Variants in PLEKHG4B observed in about 807,000 individuals in gnomAD.
PLEKHG4B encodes the protein pleckstrin homology domain-containing family G member 4B.
PLEKHG4B carries 111 observed loss-of-function variants against 121.3 expected under a neutral mutation model. The observed-to-expected ratio is 0.92, with a 90% CI of 0.78 to 1.07. The LOEUF (loss-of-function observed/expected upper bound fraction) is 1.07, where lower values mean the gene tolerates loss of function less well. Ranked by LOEUF, PLEKHG4B falls within the 50% of genes least tolerant of loss-of-function variation. PLEKHG4B has a pLI of 0.00. For missense variants in PLEKHG4B, 1,831 were observed against 1,757.8 expected (o/e 1.04, Z -0.74); for synonymous variants, 738 against 725.0 (o/e 1.02, Z -0.29).
intron 13 of PLEKHG4B, among the ~76,000 whole-genome samples, chr5:165,333 C>T (rs1402498447): frequency 1.5e-4 from 4 of 26,596 alleles, no homozygotes; most frequent in African/African-American, 3.1e-4. Context: ...AATCCTCTGA[C>T]GGGGCGGAGC....
At chr5:152,205 CT>C (rs770422898) in intron 7 of PLEKHG4B, among the ~76,000 whole-genome samples, 3,448 of 140,492 alleles carry the variant, frequency 0.025, 83 homozygotes, top group African/African-American at 0.066. Flanking sequence ...TTCTTTCTGT[CT>C]TTTTTTTTTT....
chr5:129,549 A>C (rs1734715456), intron 2 of PLEKHG4B, among the ~76,000 whole-genome samples: 1 of 152,254 alleles, frequency 6.6e-6, no homozygotes, highest in Non-Finnish European at 1.5e-5. Context: ...AGACCAACTC[A>C]GGCACACATT....
chr5:171,521 C>A (rs983163268), intron 16 of PLEKHG4B, 77 bp downstream of exon 16: 1 of 1,359,040 alleles, frequency 7.4e-7, no homozygotes, highest in Admixed American at 2.2e-5. Flanking sequence ...TTGGCCCCAG[C>A]AGCACACTTT....
chr5:166,834 CCT>C, intron 13 of PLEKHG4B, among the ~76,000 whole-genome samples: 1 of 152,338 alleles, frequency 6.6e-6, no homozygotes, highest in South Asian at 2.1e-4. Flanking sequence ...TCAGTGTTTA[CCT>C]TGTTAAAGGC....
intron 13 of PLEKHG4B, among the ~76,000 whole-genome samples, chr5:164,233 T>A (rs930416801): frequency 1.3e-5 from 2 of 152,030 alleles, no homozygotes; most frequent in Non-Finnish European, 2.9e-5. Flanking sequence ...ACCGCAGGGG[T>A]TGGGGTATGG....
chr5:140,821 C>T (rs1735153192), intron 3 of PLEKHG4B, 105 bp downstream of exon 3: 2 of 861,566 alleles, frequency 2.3e-6, no homozygotes, highest in East Asian at 5.8e-5. Flanking sequence ...ACCCCCACAA[C>T]CTCCCCCTGC....
chr5:164,587 ATG>A lies in PLEKHG4B; in HGVS notation c.3476+1040_3476+1041del, dbSNP rs1736194812. Among the ~76,000 whole-genome samples the A allele has an allele frequency of 2.3e-5, 2 of 87,390 alleles. 1 individual carries two copies. Among genetic ancestry groups the A allele is most frequent in the African/African-American group, 1.2e-4 (2 of 17,062 alleles). The allele number at this position is 87,390 out of a possible 152,430, so 57.3% of individuals were successfully genotyped here. A position where few individuals can be genotyped will look rare whatever the true frequency, so the allele number is the denominator to read the frequency against. ...GACAGGGGGCGGAGCTCACACAGTAATGCTGTGACGGAGCGGAGCTCACAGTA... is the reference window on the plus strand; with the variant it reads ...GACAGGGGGCGGAGCTCACACAGTAACTGTGACGGAGCGGAGCTCACAGTA... On this transcript the variant is annotated intron_variant, in intron 13 of 19. Coordinates refer to ENST00000637938, the MANE Select transcript of PLEKHG4B (RefSeq NM_052909.5).
chr5:164,892 TCA>T lies in PLEKHG4B; in HGVS notation c.3476+1349_3476+1350del, dbSNP rs1269441926. On this transcript the variant is annotated intron_variant, in intron 13 of 19. Coordinates refer to ENST00000637938, the MANE Select transcript of PLEKHG4B (RefSeq NM_052909.5). ...CAGTAATGCTCTGACGGGGCGGAGC[TCA>T]CACAGTAATGCTGTGACGGGGCGGA... Among the ~76,000 whole-genome samples the T allele has an allele frequency of 4.7e-4, 29 of 62,172 alleles. 2 individuals carry two copies. The highest frequency in any genetic ancestry group is 1.2e-3 in the East Asian group (4 of 3,320). 40.8% of individuals were successfully genotyped at this position (62,172 alleles called of 152,430 possible).
chr5:126,002 A>C (rs948210233), intron 2 of PLEKHG4B, among the ~76,000 whole-genome samples: 1 of 152,212 alleles, frequency 6.6e-6, no homozygotes, highest in African/African-American at 2.4e-5. Flanking sequence ...GTGATGAGTC[A>C]CTTCTATCTT....
chr5:181,585 C>G lies in PLEKHG4B; in HGVS notation c.4474C>G (p.Arg1492Gly), dbSNP rs758768356. ...QPFMDVKPRD[R>G]TPDCAVISDR... is the part of the protein sequence containing the mutation. Reference sequence around the variant, plus strand: ...ATTCATGGATGTCAAGCCCAGAGACCGGACCCCTGACTGTGCAGTGATAAG... The same window carrying G: ...ATTCATGGATGTCAAGCCCAGAGACGGGACCCCTGACTGTGCAGTGATAAG... Residue 1492 changes from arginine to glycine, a missense_variant, in exon 19 of 20, where the codon CGG becomes GGG. Coordinates refer to ENST00000637938, the MANE Select transcript of PLEKHG4B (RefSeq NM_052909.5). 1.2e-6 allele frequency: 2 copies of G among 1,614,058 alleles called. No individual in the cohort carries two copies. Among genetic ancestry groups the G allele is most frequent in the Non-Finnish European group, 8.5e-7 (1 of 1,179,962 alleles).
In PLEKHG4B at chr5:156,826, A is replaced by G; in HGVS notation, c.2402A>G (p.His801Arg). ...SLYDRVDEEV[H>R]RLVLTSNNRL... ...TACGACCGAGTGGATGAGGAGGTGC[A>G]CAGGCTGGTCCTCACCTCGAACAAT... The change falls in exon 11 of 20, where the codon CAC (histidine) becomes CGC (arginine). Residue 801 changes from histidine (H) to arginine (R), a missense_variant. By Grantham distance (29) the His-to-Arg change is conservative. Transcript: ENST00000637938. The surrounding 1 kb of genome is among the most constrained non-coding windows in gnomAD (Gnocchi z 4.4). The G allele has an allele frequency of 6.3e-7, 1 of 1,592,534 alleles. No individual in the cohort carries two copies. The highest frequency in any genetic ancestry group is 8.5e-7 in the Non-Finnish European group (1 of 1,170,174).
chr5:148,066 G>A (rs924608436), intron 6 of PLEKHG4B, among the ~76,000 whole-genome samples: 1 of 151,984 alleles, frequency 6.6e-6, no homozygotes, highest in South Asian at 2.1e-4. Flanking sequence ...ACTAGAAATA[G>A]AAGGAAACTA....
Position 185,396 on chromosome 5 carries a change from AT to A in PLEKHG4B, c.*3080del, listed in dbSNP as rs1423854177. 1 of 152,316 alleles carries A rather than the reference AT, an allele frequency of 6.6e-6. No individual in the cohort carries two copies. Among genetic ancestry groups the A allele is most frequent in the South Asian group, 2.1e-4 (1 of 4,820 alleles). 9.4% of individuals were successfully genotyped at this position (152,316 alleles called of 1,614,324 possible). A position where few individuals can be genotyped will look rare whatever the true frequency, so the allele number is the denominator to read the frequency against. ...GTCGCTTAAATCCCAACAAAGCAGT[AT>A]TTTTTTAAAGTACAATCATGCACAC... On this transcript the variant is annotated 3_prime_UTR_variant, in exon 20 of 20. Coordinates refer to ENST00000637938, the MANE Select transcript of PLEKHG4B (RefSeq NM_052909.5).
intron 3 of PLEKHG4B, 34 bp downstream of exon 3, chr5:140,750 C>A: frequency 1.3e-6 from 2 of 1,499,836 alleles, no homozygotes; most frequent in South Asian, 2.7e-5. Context: ...CTGCGCACCC[C>A]CACAACCTCC....
intron 2 of PLEKHG4B, among the ~76,000 whole-genome samples, chr5:125,779 G>C (rs1307480233): frequency 6.6e-6 from 1 of 152,202 alleles, no homozygotes; most frequent in Non-Finnish European, 1.5e-5. Context: ...TGTTTCTGCA[G>C]GGTGGGTCTA....
Position 137,525 on chromosome 5 carries a change from A to G in PLEKHG4B, c.244-1958A>G, listed in dbSNP as rs781039972. ...ACCAGTTCCCTTCTACAGTGAAGAA[A>G]CCCTATGCATATTGGAAATAGGGTT... On this transcript the variant is annotated intron_variant, in intron 2 of 19. Transcript: ENST00000637938. The surrounding 1 kb of genome is among the most constrained non-coding windows in gnomAD (Gnocchi z 4.2). Among the ~76,000 whole-genome samples the G allele has an allele frequency of 6.6e-6, 1 of 151,992 alleles. No individual in the cohort carries two copies. The highest frequency in any genetic ancestry group is 1.5e-5 in the Non-Finnish European group (1 of 68,004).
chr5:133,913 G>GACACACAC (rs745898348), intron 2 of PLEKHG4B, among the ~76,000 whole-genome samples: 7,193 of 135,504 alleles, frequency 0.053, 348 homozygotes, highest in African/African-American at 0.12. Context: ...AAGAAAATGT[G>GACACACAC]ACACACACGC....
rs1008919835 is a variant in PLEKHG4B, at chr5:139,235, C to T, written c.244-248C>T. ...TCCTCTCCCCTGTCCTGCCCACCTA[C>T]CCCCAGCCTCCAGGAAGAGCTATAC... On this transcript the variant is annotated intron_variant, in intron 2 of 19. Coordinates refer to ENST00000637938, the MANE Select transcript of PLEKHG4B (RefSeq NM_052909.5). The surrounding 1 kb of genome is among the most constrained non-coding windows in gnomAD (Gnocchi z 5.0). Among the ~76,000 whole-genome samples, 6 of 152,214 alleles carry T rather than the reference C, an allele frequency of 3.9e-5. No homozygotes were observed. The highest frequency in any genetic ancestry group is 1.4e-4 in the African/African-American group (6 of 41,460).
chr5:164,306 C>T (rs906084199), intron 13 of PLEKHG4B, among the ~76,000 whole-genome samples: 1 of 152,220 alleles, frequency 6.6e-6, no homozygotes, highest in African/African-American at 2.4e-5. Context: ...ATAAGGAGCA[C>T]GAAACCTAGA....
Sources: gnomAD v4.1 joint callset for allele counts (sites outside exome capture counted in the v4.1 genomes callset) on GRCh38, gnomAD v4.1.1 for gene constraint, Gnocchi (gnomAD v3.1) non-coding constraint, MANE v1.5 for transcripts, NCBI Gene and HGNC (gene_info 2026-07-23, HGNC 2026-07-21) for gene names.